Variants in AFF2 observed in about 807,000 individuals in gnomAD.
AFF2 encodes AF4/FMR2 family member 2.
A neutral mutation model predicts 76.9 loss-of-function variants in AFF2; 14 were observed. The observed-to-expected ratio is 0.18, with a 90% CI of 0.12 to 0.28. The LOEUF (loss-of-function observed/expected upper bound fraction) is 0.28. Among genes scored for constraint, AFF2 ranks in the 10% least tolerant of loss-of-function variants. The pLI is 1.00. For synonymous variants in AFF2, 398 were observed against 366.7 expected (o/e 1.09, Z -0.98); for missense variants, 868 against 1,001.1 (o/e 0.87, Z 1.79).
chrX:148,935,916 C>A (rs2071770146), intron 9 of AFF2, among the ~76,000 whole-genome samples: 1 of 103,776 alleles, frequency 9.6e-6, no homozygotes. Flanking sequence ...TAAATGACAT[C>A]CTAGAAGATA....
intron 9 of AFF2, among the ~76,000 whole-genome samples, chrX:148,916,259 G>C (rs1289953729): frequency 1.1e-5 from 1 of 91,076 alleles, no homozygotes; most frequent in Non-Finnish European, 2.1e-5. Context: ...GCCCAGGTTG[G>C]AGTGCAGTGG....
rs969656152 is a variant in AFF2 at position 148,519,589 on chromosome X, C to G, written c.47+18445C>G. On this transcript the variant is annotated intron_variant, in intron 1 of 20. Coordinates refer to ENST00000370460, the MANE Select transcript of AFF2 (RefSeq NM_002025.4). The stretch of plus-strand genomic sequence containing the variant: ...TGTGCTTATGCATTAAGGGCACATA[C>G]TATGCATGTGACATCATTTAATGAC... 2.7e-5 allele frequency among the ~76,000 whole-genome samples: 3 copies of G among 112,417 alleles called. No individual in the cohort carries two copies. In the South Asian group the frequency reaches 1.1e-3, roughly 42 times the overall value.
chrX:148,759,553 G>A (rs1557267135), intron 3 of AFF2, among the ~76,000 whole-genome samples: 1 of 111,972 alleles, frequency 8.9e-6, no homozygotes, highest in Non-Finnish European at 1.9e-5. Context: ...AAGCAAAATG[G>A]TTCTGAAAGT....
In AFF2 at chrX:148,788,047, G is replaced by A. The variant is rs547328524; in HGVS notation, c.1042-21829G>A. 4.2e-4 allele frequency among the ~76,000 whole-genome samples: 47 copies of A among 111,356 alleles called. No individual in the cohort carries two copies. The South Asian group carries it at 0.017, about 39-fold the overall frequency. ...CACTTTTTTCATTTTCAGCTTCCAGGTCCTAATGTGGACCTTCTCAGTGGA... is the reference window on the plus strand; with the variant it reads ...CACTTTTTTCATTTTCAGCTTCCAGATCCTAATGTGGACCTTCTCAGTGGA... On this transcript the variant is annotated intron_variant, in intron 3 of 20. Transcript: ENST00000370460.
intron 9 of AFF2, among the ~76,000 whole-genome samples, chrX:148,940,617 A>G (rs2071822233): frequency 9.0e-6 from 1 of 110,922 alleles, no homozygotes; most frequent in African/African-American, 3.3e-5. Context: ...GTTTGTTTCC[A>G]TTTCTTTCTA....
rs143981605 is a variant in AFF2 at position 148,784,533 on chromosome X, C to G, written c.1042-25343C>G. 1.5e-3 allele frequency among the ~76,000 whole-genome samples: 171 copies of G among 111,557 alleles called. 3 individuals carry two copies. The East Asian group carries it at 0.044, about 29-fold the overall frequency. ...TTGGCAAAACCCCAGGGCTGAATACCTTGATGAGGTGAAGCGTTCCCCAGT... is the reference window on the plus strand; with the variant it reads ...TTGGCAAAACCCCAGGGCTGAATACGTTGATGAGGTGAAGCGTTCCCCAGT... On this transcript the variant is annotated intron_variant, in intron 3 of 20. Transcript: ENST00000370460.
chrX:148,915,487 C>T (rs976249220), intron 9 of AFF2, among the ~76,000 whole-genome samples: 1 of 112,434 alleles, frequency 8.9e-6, no homozygotes, highest in Non-Finnish European at 1.9e-5. Flanking sequence ...GTGGGTCCCA[C>T]GTACTTGGGG....
intron 9 of AFF2, among the ~76,000 whole-genome samples, chrX:148,943,457 T>G (rs1186399153): frequency 1.8e-5 from 2 of 111,668 alleles, no homozygotes; most frequent in African/African-American, 6.5e-5. Context: ...AAAGATGAGT[T>G]TTGTAGTGGG....
chrX:148,502,949 T>C (rs2052368895), intron 1 of AFF2, among the ~76,000 whole-genome samples: 1 of 112,808 alleles, frequency 8.9e-6, no homozygotes, highest in Non-Finnish European at 1.9e-5. Flanking sequence ...CTCACCCCTG[T>C]GGGAGGCTTT....
chrX:148,683,805 T>C (rs936833993), intron 3 of AFF2, among the ~76,000 whole-genome samples: 3 of 111,863 alleles, frequency 2.7e-5, no homozygotes, highest in African/African-American at 6.5e-5. Flanking sequence ...CCTTCCCTAG[T>C]GGCAAGAGAC....
intron 1 of AFF2, among the ~76,000 whole-genome samples, chrX:148,614,816 C>A: frequency 1.0e-5 from 1 of 98,348 alleles, no homozygotes; most frequent in African/African-American, 3.9e-5. Context: ...CTCTCTCTCG[C>A]TCTCTTCCTC....
Position 148,511,368 on chromosome X carries a change from C to T in AFF2, c.47+10224C>T, listed in dbSNP as rs146695422. On this transcript the variant is annotated intron_variant, in intron 1 of 20. Transcript: ENST00000370460. Reference sequence around the variant, plus strand: ...AGTATTTTTCTCCGCGCTTTTGTAACGTTGTCTCCTCTTAGCTAGATGCCC... The same window carrying T: ...AGTATTTTTCTCCGCGCTTTTGTAATGTTGTCTCCTCTTAGCTAGATGCCC... Among the ~76,000 whole-genome samples, 165 of 111,996 alleles carry T rather than the reference C, an allele frequency of 1.5e-3. 1 individual carries two copies. Among genetic ancestry groups the T allele is most frequent in the African/African-American group, 4.4e-3 (136 of 30,844 alleles).
chrX:148,919,417 G>C (rs1557282965), intron 9 of AFF2, among the ~76,000 whole-genome samples: 1 of 111,053 alleles, frequency 9.0e-6, no homozygotes, highest in Non-Finnish European at 1.9e-5. Flanking sequence ...GTCATCACTT[G>C]TAACAGTTTC....
At chrX:148,839,060 T>G (rs1455022680) in intron 5 of AFF2, among the ~76,000 whole-genome samples, 1 of 112,246 alleles carries the variant, frequency 8.9e-6, no homozygotes, top group Non-Finnish European at 1.9e-5. Flanking sequence ...GTACAGCAAT[T>G]GCAGTGTTTT....
At chrX:148,780,125 C>T (rs1438306801) in intron 3 of AFF2, among the ~76,000 whole-genome samples, 4 of 112,452 alleles carry the variant, frequency 3.6e-5, no homozygotes, top group Admixed American at 1.9e-4. Flanking sequence ...TGCTGTTAAT[C>T]GAATAGGCTT....
intron 8 of AFF2, among the ~76,000 whole-genome samples, chrX:148,891,564 T>C (rs1315818953): frequency 2.7e-5 from 3 of 112,099 alleles, no homozygotes; most frequent in Non-Finnish European, 5.6e-5. Context: ...GCTTCTAGAA[T>C]GTGTGGCGGG....
intron 7 of AFF2, among the ~76,000 whole-genome samples, chrX:148,852,740 G>A (rs1342404409): frequency 9.0e-6 from 1 of 111,315 alleles, no homozygotes; most frequent in Non-Finnish European, 1.9e-5. Context: ...GATAGATTTC[G>A]CTATCTCCAT....
intron 4 of AFF2, among the ~76,000 whole-genome samples, chrX:148,817,080 A>G (rs1294876939): frequency 9.0e-6 from 1 of 111,228 alleles, no homozygotes; most frequent in Admixed American, 9.6e-5. Context: ...CAAGAACAAA[A>G]TCAGTGATAC....
rs192524227 is a variant in AFF2 at position 148,879,060 on chromosome X, A to G, written c.1263-6829A>G. 2.6e-3 allele frequency among the ~76,000 whole-genome samples: 293 copies of G among 112,138 alleles called. 1 individual carries two copies. The highest frequency in any genetic ancestry group is 8.9e-3 in the African/African-American group (275 of 30,920). On this transcript the variant is annotated intron_variant, in intron 7 of 20. Transcript: ENST00000370460. ...AGGTGACAGTTGATTGATTCAAGTC[A>G]TATACGTCAGGGTTCATACTATTAG...
Sources: allele counts gnomAD v4.1 joint callset (sites outside exome capture counted in the v4.1 genomes callset), GRCh38; gene constraint gnomAD v4.1.1; transcripts MANE v1.5; gene names NCBI Gene and HGNC (gene_info 2026-07-23, HGNC 2026-07-21).